EPB41L2: variants seen among roughly 807,000 people sequenced by gnomAD.
EPB41L2 encodes erythrocyte membrane protein band 4.1 like 2, also known as band 4.1-like protein 2.
In EPB41L2, 43 loss-of-function variants were observed where a neutral mutation model predicts 113.0. The ratio of observed to expected loss-of-function variants is 0.38; its 90% CI spans 0.30 to 0.49. The LOEUF (loss-of-function observed/expected upper bound fraction) is 0.49, where lower values mean the gene tolerates loss of function less well. Ranked by LOEUF, EPB41L2 falls within the 20% of genes least tolerant of loss-of-function variation. The probability of loss-of-function intolerance (pLI) is 0.95; values close to 1 mark genes in which losing one functional copy is unlikely to be tolerated. For synonymous variants in EPB41L2, 442 were observed against 436.7 expected (o/e 1.01, Z -0.15); for missense variants, 1,147 against 1,223.4 (o/e 0.94, Z 0.93).
intron 11 of EPB41L2, 122 bp from the exon 12 acceptor site, chr6:130,885,390 T>C: frequency 1.2e-6 from 1 of 845,490 alleles, no homozygotes; most frequent in South Asian, 1.8e-5. Context: ...ACAGAGACAT[T>C]GCTTGAGCTC....
intron 1 of EPB41L2, among the ~76,000 whole-genome samples, chr6:131,033,222 G>A (rs1250378734): frequency 1.3e-5 from 2 of 151,854 alleles, no homozygotes; most frequent in African/African-American, 4.8e-5. Flanking sequence ...GAAAGACAAA[G>A]AAAGACAGGA....
At chr6:131,053,075 T>C (rs1292707378) in intron 1 of EPB41L2, among the ~76,000 whole-genome samples, 1 of 152,014 alleles carries the variant, frequency 6.6e-6, no homozygotes, top group East Asian at 1.9e-4. Flanking sequence ...TTTGTATTTT[T>C]AGTAGAGATG....
chr6:130,931,550 T>C (rs761175724), intron 3 of EPB41L2, among the ~76,000 whole-genome samples: 2 of 152,176 alleles, frequency 1.3e-5, no homozygotes, highest in Non-Finnish European at 2.9e-5. Flanking sequence ...TACATATGAA[T>C]GTTCCAAGTT....
chr6:130,986,587 C>CT (rs368892146), intron 1 of EPB41L2, among the ~76,000 whole-genome samples: 471 of 143,358 alleles, frequency 3.3e-3, no homozygotes, highest in South Asian at 4.7e-3. Flanking sequence ...GGATTTTTTT[C>CT]TTTTTTTTTT....
chr6:131,060,795 T>A (rs1024235762), intron 1 of EPB41L2, among the ~76,000 whole-genome samples: 2 of 152,178 alleles, frequency 1.3e-5, no homozygotes, highest in Non-Finnish European at 2.9e-5. Context: ...TAGATGGTTA[T>A]TTTTTTGGTG....
chr6:130,861,823 G>T (rs944694851), intron 18 of EPB41L2, among the ~76,000 whole-genome samples: 1 of 149,498 alleles, frequency 6.7e-6, no homozygotes, highest in Non-Finnish European at 1.5e-5. Flanking sequence ...AGTGAGTCCA[G>T]ATCGTGCCAC....
chr6:131,044,615 A>AC (rs1235971570), intron 1 of EPB41L2, among the ~76,000 whole-genome samples: 2 of 152,162 alleles, frequency 1.3e-5, no homozygotes, highest in African/African-American at 4.8e-5. Flanking sequence ...TCCATCTCCC[A>AC]CCCAGTGAAT....
chr6:130,867,793 CAT>C (rs755192625), intron 15 of EPB41L2: 1 of 532,182 alleles, frequency 1.9e-6, no homozygotes, highest in South Asian at 2.1e-5. Context: ...TACATGTGCA[CAT>C]AGATACGTAC....
At chr6:130,974,122 G>A (rs1777560030) in intron 1 of EPB41L2, among the ~76,000 whole-genome samples, 1 of 152,128 alleles carries the variant, frequency 6.6e-6, no homozygotes, top group Non-Finnish European at 1.5e-5. Flanking sequence ...ACAATGTGAT[G>A]GAGGTAGGAG....
At chr6:130,881,574 T>C (rs1424043236) in intron 12 of EPB41L2, 1 of 152,120 alleles carries the variant, frequency 6.6e-6, no homozygotes, top group East Asian at 1.9e-4. Flanking sequence ...ATCCATAGAA[T>C]ATGAGGCACT....
chr6:130,941,320 T>A (rs151013840), intron 3 of EPB41L2, among the ~76,000 whole-genome samples: 1 of 152,232 alleles, frequency 6.6e-6, no homozygotes. Context: ...AAGTCTCTAA[T>A]GAATTATAAT....
chr6:130,987,618 G>A (rs2327007), intron 1 of EPB41L2, among the ~76,000 whole-genome samples: 20,316 of 151,846 alleles, frequency 0.13, 1,468 homozygotes, highest in Admixed American at 0.17. Flanking sequence ...ACTTGAACCC[G>A]GGAGGCAGAG....
At chr6:130,946,077 A>G (rs886502508) in intron 3 of EPB41L2, among the ~76,000 whole-genome samples, 2 of 152,202 alleles carry the variant, frequency 1.3e-5, no homozygotes, top group African/African-American at 2.4e-5. Flanking sequence ...AAAAATCTTC[A>G]AAGTTTTTTC....
intron 1 of EPB41L2, among the ~76,000 whole-genome samples, chr6:130,971,964 T>G (rs1182464158): frequency 2.0e-5 from 3 of 152,210 alleles, no homozygotes; most frequent in Non-Finnish European, 4.4e-5. Context: ...CTAGATAGTA[T>G]AGTTACCGTG....
intron 1 of EPB41L2, among the ~76,000 whole-genome samples, chr6:131,023,306 T>C (rs1474028647): frequency 2.0e-5 from 3 of 151,682 alleles, no homozygotes; most frequent in Admixed American, 2.0e-4. Context: ...TTTCCTATTA[T>C]TTCTTATTTA....
At chr6:131,029,042 G>A (rs1791485363) in intron 1 of EPB41L2, among the ~76,000 whole-genome samples, 1 of 152,162 alleles carries the variant, frequency 6.6e-6, no homozygotes, top group Non-Finnish European at 1.5e-5. Flanking sequence ...CTCTCTAGGA[G>A]ATCAATTGCT....
In EPB41L2 at chr6:130,890,527, G is replaced by A. The variant is rs1401443584; in HGVS notation, c.1488-61C>T. 91 of 1,519,410 alleles carry A rather than the reference G, an allele frequency of 6.0e-5. 2 individuals carry two copies. The South Asian group carries it at 7.5e-4, about 13-fold the overall frequency. The allele number at this position is 1,519,410 out of a possible 1,614,324, so 94.1% of individuals were successfully genotyped here. On this transcript the variant is annotated intron_variant, in intron 10 of 19. Coordinates refer to ENST00000337057, the MANE Select transcript of EPB41L2 (RefSeq NM_001431.4). ...AAGGGGAAGCAAAATTAGACTTTACGGAATTTTTTAAAAAAACTTTAAAGC... is the reference window on the plus strand; with the variant it reads ...AAGGGGAAGCAAAATTAGACTTTACAGAATTTTTTAAAAAAACTTTAAAGC...
At chr6:130,929,899 A>ACACACACG (rs1185212269) in intron 3 of EPB41L2, among the ~76,000 whole-genome samples, 16 of 109,258 alleles carry the variant, frequency 1.5e-4, no homozygotes, top group Admixed American at 9.4e-5. Flanking sequence ...ACACACACAT[A>ACACACACG]CACGCACAGT....
At position 130,878,062 on chromosome 6, in the gene EPB41L2, C is replaced by T. The variant is rs11966456; in HGVS notation, c.2043+42G>A. ...GATTAACAATTTAAGTTTTATTGAG[C>T]AACTGAAGTGAGACAGAGCCAACAA... is the stretch of plus-strand genomic sequence containing the variant. On this transcript the variant is annotated intron_variant, in intron 14 of 19. Coordinates refer to ENST00000337057, the MANE Select transcript of EPB41L2 (RefSeq NM_001431.4). 6,857 of 1,515,126 alleles carry T rather than the reference C, an allele frequency of 4.5e-3. 252 individuals are homozygous for T. In the African/African-American group the frequency reaches 0.085, roughly 19 times the overall value. 93.9% of individuals were successfully genotyped at this position (1,515,126 alleles called of 1,614,324 possible).
Sources: gnomAD v4.1 joint callset for allele counts (sites outside exome capture counted in the v4.1 genomes callset) on GRCh38, gnomAD v4.1.1 for gene constraint, MANE v1.5 for transcripts, NCBI Gene and HGNC (gene_info 2026-07-23, HGNC 2026-07-21) for gene names.